AHNAK: variants seen among roughly 807,000 people sequenced by gnomAD.
AHNAK encodes the protein AHNAK nucleoprotein.
Under a neutral mutation model 37.8 loss-of-function variants are expected in AHNAK, and 23 were observed. That is an observed-to-expected ratio of 0.61 (90% CI 0.44 to 0.86). The LOEUF is 0.86. Among genes scored for constraint, AHNAK ranks in the 40% least tolerant of loss-of-function variants. The probability of loss-of-function intolerance (pLI) is 0.00; values close to 1 mark genes in which losing one functional copy is unlikely to be tolerated. For synonymous variants in AHNAK, 2,481 were observed against 2,636.3 expected (o/e 0.94, Z 1.80); for missense variants, 7,411 against 7,319.4 (o/e 1.01, Z -0.46).
intron 4 of AHNAK, among the ~76,000 whole-genome samples, chr11:62,502,161 G>A (rs187189486): frequency 1.3e-5 from 2 of 152,072 alleles, no homozygotes; most frequent in East Asian, 3.9e-4. Context: ...TCAGGTCCTC[G>A]ACTTCAGAGT....
At chr11:62,434,462 C>A (rs945124350) in intron 5 of AHNAK, among the ~76,000 whole-genome samples, 5 of 152,218 alleles carry the variant, frequency 3.3e-5, no homozygotes, top group Admixed American at 1.3e-4. Flanking sequence ...GCCTCCTCCC[C>A]GAGTCACACC....
intron 5 of AHNAK, among the ~76,000 whole-genome samples, chr11:62,445,284 AT>A (rs1000973913): frequency 2.6e-5 from 4 of 151,188 alleles, no homozygotes; most frequent in African/African-American, 7.3e-5. Flanking sequence ...AGAATGCACT[AT>A]TTTTTTTTCT....
At chr11:62,453,197 G>A (rs1012841150) in intron 5 of AHNAK, among the ~76,000 whole-genome samples, 1 of 152,064 alleles carries the variant, frequency 6.6e-6, no homozygotes, top group Non-Finnish European at 1.5e-5. Flanking sequence ...ACGTCGGAAG[G>A]AATGTGTCTG....
rs760403297 is a variant in AHNAK, at chr11:62,519,242, C to T, written c.15175G>A (p.Asp5059Asn). The change falls in exon 5 of 5, where the codon GAT (aspartate) becomes AAT (asparagine). Residue 5059 changes from aspartate (D) to asparagine (N), a missense_variant. Physicochemically the swap from Asp to Asn is conservative, Grantham distance 23. Transcript: ENST00000378024. Reference protein sequence around the residue: ...GEIDASLKAPDVDVNIAGPDA... With the variant: ...GEIDASLKAPNVDVNIAGPDA... Reference sequence around the variant, plus strand: ...GGCCCTGCGATGTTGACATCTACATCCGGAGCCTTGAGGCTGGCATCAATT... The same window carrying T: ...GGCCCTGCGATGTTGACATCTACATTCGGAGCCTTGAGGCTGGCATCAATT... 19 of 1,614,004 alleles carry T rather than the reference C, an allele frequency of 1.2e-5. No homozygotes were observed. The Admixed American group carries it at 3.2e-4, about 27-fold the overall frequency.
chr11:62,489,567 CA>C (rs1296885427), intron 5 of AHNAK, among the ~76,000 whole-genome samples: 1 of 152,068 alleles, frequency 6.6e-6, no homozygotes, highest in Non-Finnish European at 1.5e-5. Flanking sequence ...TAATACAAAC[CA>C]AAAACATTGG....
chr11:62,490,580 C>T (rs1446882023), intron 5 of AHNAK, among the ~76,000 whole-genome samples: 1 of 151,938 alleles, frequency 6.6e-6, no homozygotes. Flanking sequence ...ATGGGTGGAG[C>T]GCTGGGCAAG....
Position 62,529,827 on chromosome 11 carries a change from C to T in AHNAK, c.4590G>A (p.Val1530=), listed in dbSNP as rs114416356. 1 of 1,614,090 alleles carries T rather than the reference C, an allele frequency of 6.2e-7. No individual in the cohort carries two copies. Among genetic ancestry groups the T allele is most frequent in the South Asian group, 1.1e-5 (1 of 91,078 alleles). Residue 1530 remains valine, a synonymous_variant, in exon 5 of 5, where the codon GTG becomes GTA. Transcript: ENST00000378024. ...GGTCAGCCTTGGGCAGGTTCATATC[C>T]ACCTCTGGGCCCTCTCCTTTAAAGC... ...MPGFKGEGPE[V]DMNLPKADLG...
At position 62,534,013 on chromosome 11, in the gene AHNAK, G is replaced by A. The variant is rs745885352; in HGVS notation, c.404C>T (p.Ser135Leu). Residue 135 changes from serine to leucine, a missense_variant, in exon 5 of 5, where the codon TCG becomes TTG. Ser to Leu is a moderately radical substitution (Grantham distance 145, BLOSUM62 -2). Transcript: ENST00000378024. ...GAGGTCTCCTTCCACTCCATCTTCCGACTTCAGCCGTGGCTTGATCTTCGT... is the reference window on the plus strand; with the variant it reads ...GAGGTCTCCTTCCACTCCATCTTCCAACTTCAGCCGTGGCTTGATCTTCGT... ...YTTKIKPRLK[S>L]EDGVEGDLGE... 15 of 1,588,684 alleles carry A rather than the reference G, an allele frequency of 9.4e-6. No individual in the cohort carries two copies. The highest frequency in any genetic ancestry group is 5.4e-5 in the African/African-American group (4 of 74,434).
At chr11:62,481,439 C>A (rs1939271247) in intron 5 of AHNAK, among the ~76,000 whole-genome samples, 1 of 151,878 alleles carries the variant, frequency 6.6e-6, no homozygotes, top group African/African-American at 2.4e-5. Context: ...TTCCCTTGCA[C>A]CATCTTTGTC....
intron 4 of AHNAK, among the ~76,000 whole-genome samples, chr11:62,504,823 G>A (rs970612184): frequency 6.6e-6 from 1 of 152,140 alleles, no homozygotes; most frequent in African/African-American, 2.4e-5. Context: ...GCTCCCAGAG[G>A]AGAAAGCAAG....
At chr11:62,433,961 G>T (rs1938104854) in intron 5 of AHNAK, 4 of 1,587,422 alleles carry the variant, frequency 2.5e-6, no homozygotes, top group African/African-American at 1.4e-5. Flanking sequence ...TCAGAAGATG[G>T]TTCGTTAACT....
rs1590612563 is a variant in AHNAK at position 62,475,580 on chromosome 11, A to G, written c.442+16152T>C. On this transcript the variant is annotated intron_variant, in intron 5 of 5. Coordinates refer to the AHNAK transcript ENST00000257247. ...GCGTTTGATATTGGAATATATTCTTAAATAAATGTGGTTATGTTATACTTT... is the reference window on the plus strand; with the variant it reads ...GCGTTTGATATTGGAATATATTCTTGAATAAATGTGGTTATGTTATACTTT... 3.3e-5 allele frequency among the ~76,000 whole-genome samples: 5 copies of G among 149,684 alleles called. No individual in the cohort carries two copies. In the South Asian group the frequency reaches 1.1e-3, roughly 32 times the overall value.
chr11:62,458,006 C>T (rs148731973), intron 5 of AHNAK, among the ~76,000 whole-genome samples: 9,393 of 151,712 alleles, frequency 0.062, 387 homozygotes, highest in Admixed American at 0.089. Flanking sequence ...CTCCACCTCC[C>T]GGTTTCCAGC....
In AHNAK at chr11:62,524,071, A is replaced by G. The variant is rs1206513319; in HGVS notation, c.10346T>C (p.Val3449Ala). Residue 3449 changes from valine (V) to alanine (A), a missense_variant, in exon 5 of 5, where the codon GTG (valine) becomes GCG (alanine). Physicochemically the swap from Val to Ala is moderately conservative, Grantham distance 64. Coordinates refer to ENST00000378024, the MANE Select transcript of AHNAK (RefSeq NM_001620.3). ...ATTGACTTCTGGTGCCTTAATATCC[A>G]CTTTGGGGCCTTTAAAGTCACCTTC... ...NLEGDFKGPK[V>A]DIKAPEVNLN... 3 of 1,614,078 alleles carry G rather than the reference A, an allele frequency of 1.9e-6. No homozygotes were observed. In the South Asian group the frequency reaches 3.3e-5, roughly 18 times the overall value.
At chr11:62,436,938 CAAA>C (rs35477247) in intron 5 of AHNAK, among the ~76,000 whole-genome samples, 34 of 144,532 alleles carry the variant, frequency 2.4e-4, no homozygotes, top group Admixed American at 8.9e-4. Flanking sequence ...GACTCTGTCT[CAAA>C]AAAAAAAAAA....
At chr11:62,438,275 C>A (rs955827498) in intron 5 of AHNAK, among the ~76,000 whole-genome samples, 11 of 149,114 alleles carry the variant, frequency 7.4e-5, no homozygotes, top group African/African-American at 2.7e-4. Context: ...CTCTGCCTCC[C>A]GGGTTCAAGC....
Position 62,532,318 on chromosome 11 carries a change from G to A in AHNAK, c.2099C>T (p.Pro700Leu), listed in dbSNP as rs1218823354. The change falls in exon 5 of 5, where the codon CCT becomes CTT. Residue 700 changes from proline (P) to leucine (L), a missense_variant. Pro to Leu is a moderately conservative substitution (Grantham distance 98, BLOSUM62 -3). Transcript: ENST00000378024. ...ACCTTTCACGTGCAAATCTACATCA[G>A]GCATGGAGATCTTTGGTGTCTTGAC... Reference protein sequence around the residue: ...MSVKTPKISMPDVDLHVKGTK... With the variant: ...MSVKTPKISMLDVDLHVKGTK... The A allele has an allele frequency of 1.2e-6, 2 of 1,614,122 alleles. No homozygotes were observed. The highest frequency in any genetic ancestry group is 2.2e-5 in the South Asian group (2 of 91,078).
chr11:62,474,703 G>C (rs1043621408), intron 5 of AHNAK, among the ~76,000 whole-genome samples: 10 of 152,218 alleles, frequency 6.6e-5, no homozygotes, highest in Admixed American at 5.9e-4. Context: ...ACTGACAGCT[G>C]GTTGACAAAA....
intron 5 of AHNAK, among the ~76,000 whole-genome samples, chr11:62,450,215 G>A (rs781144312): frequency 2.0e-5 from 3 of 151,458 alleles, no homozygotes; most frequent in Non-Finnish European, 4.4e-5. Context: ...CAGTGCAATG[G>A]TGTGATCTCA....
Sources: gnomAD v4.1 joint callset for allele counts (sites outside exome capture counted in the v4.1 genomes callset) on GRCh38, gnomAD v4.1.1 for gene constraint, MANE v1.5 for transcripts, NCBI Gene and HGNC (gene_info 2026-07-23, HGNC 2026-07-21) for gene names.